The following RPS6KA6 variants were observed in gnomAD, a reference collection of about 807,000 sequenced individuals.
RPS6KA6 encodes the protein ribosomal protein S6 kinase A6.
In RPS6KA6, 27 loss-of-function variants were observed where a neutral mutation model predicts 65.4. The ratio of observed to expected loss-of-function variants is 0.41; its 90% CI spans 0.30 to 0.57. The LOEUF is 0.57. Among genes scored for constraint, RPS6KA6 ranks in the 20% least tolerant of loss-of-function variants. The probability of loss-of-function intolerance (pLI) is 0.24; values close to 1 mark genes in which losing one functional copy is unlikely to be tolerated. For synonymous variants in RPS6KA6, 190 were observed against 184.2 expected (o/e 1.03, Z -0.26); for missense variants, 486 against 555.6 (o/e 0.87, Z 1.26).
chrX:84,122,651 A>G (rs767096450), intron 8 of RPS6KA6, among the ~76,000 whole-genome samples: 8 of 111,187 alleles, frequency 7.2e-5, no homozygotes, highest in African/African-American at 2.6e-4. Flanking sequence ...GCTTTTGGAC[A>G]AGAACTAGAC....
chrX:84,154,787 A>C (rs2035387135), intron 3 of RPS6KA6, among the ~76,000 whole-genome samples: 1 of 111,104 alleles, frequency 9.0e-6, no homozygotes, highest in Admixed American at 9.6e-5. Context: ...CCAAGCCATA[A>C]TTCATCTCAG....
At chrX:84,180,653 T>C (rs1409650105) in intron 1 of RPS6KA6, among the ~76,000 whole-genome samples, 2 of 112,065 alleles carry the variant, frequency 1.8e-5, no homozygotes, top group African/African-American at 6.5e-5. Context: ...GCTTGTCTGT[T>C]TACAAAACAA....
intron 20 of RPS6KA6, among the ~76,000 whole-genome samples, chrX:84,078,911 C>CA (rs1212254279): frequency 9.0e-6 from 1 of 111,069 alleles, no homozygotes; most frequent in African/African-American, 3.3e-5. Context: ...TATGTCATAA[C>CA]ACTATATACT....
intron 20 of RPS6KA6, among the ~76,000 whole-genome samples, chrX:84,082,174 CATT>C (rs930051002): frequency 1.8e-5 from 2 of 111,735 alleles, no homozygotes. Context: ...TTGCAGATGA[CATT>C]ATTGTATATT....
chrX:84,082,745 A>C (rs1346946400), intron 20 of RPS6KA6, among the ~76,000 whole-genome samples: 1 of 111,783 alleles, frequency 8.9e-6, no homozygotes, highest in African/African-American at 3.3e-5. Context: ...GTACCAAAAC[A>C]GATATATAGG....
chrX:84,125,620 C>T (rs1355773853), intron 8 of RPS6KA6, among the ~76,000 whole-genome samples: 2 of 110,841 alleles, frequency 1.8e-5, no homozygotes, highest in Admixed American at 9.6e-5. Context: ...TTTGGGAGGC[C>T]GAGGCGGGCA....
At chrX:84,078,717 A>T (rs1021743377) in intron 20 of RPS6KA6, among the ~76,000 whole-genome samples, 1 of 112,232 alleles carries the variant, frequency 8.9e-6, no homozygotes, top group East Asian at 2.8e-4. Flanking sequence ...CATTTAAAAA[A>T]ATATACAAAC....
chrX:84,180,526 T>C (rs1275547728), intron 1 of RPS6KA6, among the ~76,000 whole-genome samples: 2 of 112,084 alleles, frequency 1.8e-5, no homozygotes, highest in Non-Finnish European at 3.8e-5. Context: ...TTGTCTTTAT[T>C]ATAGTTACAT....
At position 84,117,115 on chromosome X, in the gene RPS6KA6, A is replaced by T; in HGVS notation, c.894T>A (p.Ala298=). Residue 298 remains alanine, a synonymous_variant, in exon 11 of 22, where the codon GCT becomes GCA. Transcript: ENST00000262752. ...AKLGMPQFLS[A]EAQSLLRMLF... ...ACATCCTTAGAAGACTTTGTGCTTC[A>T]GCACTAAGAAATTGAGGCATTCCAA... is the stretch of plus-strand genomic sequence containing the variant. 8.4e-7 allele frequency: 1 copy of T among 1,197,578 alleles called. No homozygotes were observed. Among genetic ancestry groups the T allele is most frequent in the Non-Finnish European group, 1.1e-6 (1 of 887,139 alleles).
intron 12 of RPS6KA6, among the ~76,000 whole-genome samples, chrX:84,108,112 G>A (rs781552934): frequency 8.9e-6 from 1 of 111,852 alleles, no homozygotes; most frequent in South Asian, 3.7e-4. Flanking sequence ...AAAAATATAC[G>A]TTAAATGTAC....
intron 20 of RPS6KA6, among the ~76,000 whole-genome samples, chrX:84,092,504 G>C (rs1419609035): frequency 9.2e-6 from 1 of 109,234 alleles, no homozygotes; most frequent in Non-Finnish European, 1.9e-5. Flanking sequence ...TGCCTGTAAT[G>C]CCAGCTACTC....
chrX:84,139,057 A>G (rs1394640682), intron 6 of RPS6KA6, among the ~76,000 whole-genome samples: 1 of 111,975 alleles, frequency 8.9e-6, no homozygotes, highest in Non-Finnish European at 1.9e-5. Flanking sequence ...CTACAGAAGT[A>G]ACCATTGAAT....
intron 21 of RPS6KA6, 36 bp downstream of exon 21, chrX:84,064,935 A>G (rs975070000): frequency 8.8e-7 from 1 of 1,139,953 alleles, no homozygotes; most frequent in African/African-American, 1.8e-5. Context: ...TAGGTATCTG[A>G]TATCTCGAAG....
At chrX:84,068,668 A>C (rs1355235488) in intron 20 of RPS6KA6, among the ~76,000 whole-genome samples, 1 of 112,111 alleles carries the variant, frequency 8.9e-6, no homozygotes, top group Non-Finnish European at 1.9e-5. Flanking sequence ...ATATTCAGAA[A>C]ACCCTATCGT....
chrX:84,172,026 G>A (rs1310134882), intron 1 of RPS6KA6, among the ~76,000 whole-genome samples: 1 of 111,453 alleles, frequency 9.0e-6, no homozygotes, highest in African/African-American at 3.3e-5. Context: ...TCTTTTTATG[G>A]CTGCATAGTA....
At chrX:84,174,360 C>A (rs1342200319) in intron 1 of RPS6KA6, among the ~76,000 whole-genome samples, 2 of 111,622 alleles carry the variant, frequency 1.8e-5, no homozygotes, top group Admixed American at 9.6e-5. Context: ...TTGAAATACA[C>A]CCACCTAATT....
intron 3 of RPS6KA6, 22 bp from the exon 4 acceptor site, chrX:84,148,145 A>G (rs773786420): frequency 1.4e-5 from 14 of 1,013,069 alleles, no homozygotes; most frequent in Admixed American, 2.7e-5. Flanking sequence ...TTGAACAAAA[A>G]AAAAAAGGAA....
chrX:84,166,990 A>T (rs184926865), intron 1 of RPS6KA6, among the ~76,000 whole-genome samples: 70 of 111,759 alleles, frequency 6.3e-4, no homozygotes, highest in Non-Finnish European at 1.1e-3. Context: ...TGAAAAAAAA[A>T]ATTACAGTTT....
At chrX:84,156,633 C>G (rs1482918114) in intron 2 of RPS6KA6, among the ~76,000 whole-genome samples, 1 of 111,400 alleles carries the variant, frequency 9.0e-6, no homozygotes, top group Non-Finnish European at 1.9e-5. Context: ...GTTTAAATGG[C>G]CAACTAACCA....
Sources: allele counts gnomAD v4.1 joint callset (sites outside exome capture counted in the v4.1 genomes callset), GRCh38; gene constraint gnomAD v4.1.1; transcripts MANE v1.5; gene names NCBI Gene and HGNC (gene_info 2026-07-23, HGNC 2026-07-21).